Variants in PSMD1 observed in about 807,000 individuals in gnomAD.
PSMD1 encodes 26S proteasome non-ATPase regulatory subunit 1.
In PSMD1, 18 loss-of-function variants were observed where a neutral mutation model predicts 119.0. The ratio of observed to expected loss-of-function variants is 0.15; its 90% CI spans 0.10 to 0.22. The LOEUF (loss-of-function observed/expected upper bound fraction) is 0.22. Ranked by LOEUF, PSMD1 falls within the 10% of genes least tolerant of loss-of-function variation. The pLI, the probability that PSMD1 is intolerant of heterozygous loss-of-function variation, is 1.00. For missense variants in PSMD1, 702 were observed against 1,158.5 expected (o/e 0.61, Z 5.72); for synonymous variants, 374 against 396.6 (o/e 0.94, Z 0.68).
intron 15 of PSMD1, among the ~76,000 whole-genome samples, 156 bp downstream of exon 15, chr2:231,085,270 G>A (rs1260601803): frequency 6.6e-6 from 1 of 152,182 alleles, no homozygotes; most frequent in Non-Finnish European, 1.5e-5. Context: ...CCATAACCTA[G>A]CACTAGATTC....
intron 16 of PSMD1, among the ~76,000 whole-genome samples, chr2:231,116,567 A>G (rs540077927): frequency 1.3e-5 from 2 of 152,028 alleles, no homozygotes; most frequent in Non-Finnish European, 2.9e-5. Context: ...AGCCATAAGA[A>G]AATTCATATA....
chr2:231,058,899 C>T (rs1559214273), intron 1 of PSMD1, among the ~76,000 whole-genome samples: 1 of 152,188 alleles, frequency 6.6e-6, no homozygotes, highest in Non-Finnish European at 1.5e-5. Flanking sequence ...CACGCTTACT[C>T]TCCCTCCACC....
At chr2:231,097,618 G>A (rs555553631) in intron 16 of PSMD1, among the ~76,000 whole-genome samples, 4 of 152,198 alleles carry the variant, frequency 2.6e-5, no homozygotes, top group South Asian at 4.1e-4. Flanking sequence ...TGTAATAGAT[G>A]TAGTTTATAC....
Position 231,170,480 on chromosome 2 carries a change from A to C in PSMD1, c.2716-86A>C, listed in dbSNP as rs1574783519. 20 of 1,348,320 alleles carry C rather than the reference A, an allele frequency of 1.5e-5. No individual in the cohort carries two copies. In the East Asian group the frequency reaches 4.9e-4, roughly 33 times the overall value. The allele number at this position is 1,348,320 out of a possible 1,614,324, so 83.5% of individuals were successfully genotyped here. ...CTTCCAAATCATTTAAGTAGTTTTAAAGTACCATTTAACAAGTATTTACTC... is the reference window on the plus strand; with the variant it reads ...CTTCCAAATCATTTAAGTAGTTTTACAGTACCATTTAACAAGTATTTACTC... On this transcript the variant is annotated intron_variant, in intron 23 of 24. Transcript: ENST00000308696. This position sits in a 1 kb window ranked among gnomAD's most constrained non-coding sequence, Gnocchi z 4.1.
At chr2:231,113,984 G>C in intron 16 of PSMD1, 1 of 1,432,452 alleles carries the variant, frequency 7.0e-7, no homozygotes, top group Non-Finnish European at 9.8e-7. Flanking sequence ...GCAACTTTCA[G>C]TCTACAGTTT....
chr2:231,131,484 C>T (rs1171809539), intron 16 of PSMD1, among the ~76,000 whole-genome samples: 1 of 46,188 alleles, frequency 2.2e-5, no homozygotes, highest in Non-Finnish European at 3.2e-5. Flanking sequence ...TTGCCCTTGC[C>T]GGGCGCGGTG....
chr2:231,086,061 G>T (rs1694424656), intron 15 of PSMD1, among the ~76,000 whole-genome samples: 1 of 150,794 alleles, frequency 6.6e-6, no homozygotes, highest in African/African-American at 2.4e-5. Context: ...GCGACTTTGA[G>T]ACAGGGTTTC....
chr2:231,084,961 C>T, intron 14 of PSMD1, 58 bp from the exon 15 acceptor site: 1 of 1,389,756 alleles, frequency 7.2e-7, no homozygotes. Flanking sequence ...GCCTATTAGA[C>T]TGTAGAAGTT....
At chr2:231,081,607 T>C (rs1694311653) in intron 12 of PSMD1, among the ~76,000 whole-genome samples, 1 of 152,200 alleles carries the variant, frequency 6.6e-6, no homozygotes, top group African/African-American at 2.4e-5. Context: ...CTGGCTTGGG[T>C]CACACTTTGG....
At chr2:231,092,884 A>G (rs1574722741) in intron 16 of PSMD1, among the ~76,000 whole-genome samples, 2 of 152,224 alleles carry the variant, frequency 1.3e-5, no homozygotes, top group Non-Finnish European at 2.9e-5. Context: ...TTGCCATGAT[A>G]TAGCCATACT....
chr2:231,123,870 CA>C (rs1559241132), intron 16 of PSMD1: 1 of 901,718 alleles, frequency 1.1e-6, no homozygotes, highest in South Asian at 1.3e-5. Flanking sequence ...GCCAAACACT[CA>C]AAAGCCAAAG....
intron 18 of PSMD1, among the ~76,000 whole-genome samples, chr2:231,148,701 G>A (rs1487653081): frequency 1.3e-5 from 2 of 152,158 alleles, no homozygotes; most frequent in Non-Finnish European, 2.9e-5. Flanking sequence ...TTAGAGCAAA[G>A]TTGTTACTCA....
In PSMD1 at chr2:231,108,945, A is replaced by T. The variant is rs1182132755; in HGVS notation, c.1883+21764A>T. Reference sequence around the variant, plus strand: ...ACTAAAGTTATATTTGTAATAAAGAAGGGACACCACATAAGCAAAAAGAGG... The same window carrying T: ...ACTAAAGTTATATTTGTAATAAAGATGGGACACCACATAAGCAAAAAGAGG... On this transcript the variant is annotated intron_variant, in intron 16 of 24. Transcript: ENST00000308696. The T allele has an allele frequency of 2.5e-6, 4 of 1,614,014 alleles. No individual in the cohort carries two copies. The highest frequency in any genetic ancestry group is 3.3e-5 in the Admixed American group (2 of 60,008).
intron 5 of PSMD1, among the ~76,000 whole-genome samples, chr2:231,068,188 A>G (rs1285809509): frequency 6.6e-6 from 1 of 152,132 alleles, no homozygotes; most frequent in African/African-American, 2.4e-5. Flanking sequence ...ACTAGATCAT[A>G]AGCTATATCG....
rs749688988 is a variant in PSMD1, at chr2:231,075,544, T to C, written c.915T>C (p.Ser305=). The C allele has an allele frequency of 1.6e-5, 25 of 1,612,484 alleles. No individual in the cohort carries two copies. The highest frequency in any genetic ancestry group is 1.7e-4 in the Middle Eastern group (1 of 6,046). The change falls in exon 8 of 25, where the codon AGT becomes AGC. Residue 305 remains serine, a synonymous_variant. Transcript: ENST00000308696. The stretch of plus-strand genomic sequence containing the variant: ...TGGAAACAGAAGAAAAGACAAGCAG[T>C]GCATTTGTAGGAAAGACACCAGAAG... ...DSMETEEKTS[S]AFVGKTPEAS...
At chr2:231,119,384 G>A (rs1695452999) in intron 16 of PSMD1, among the ~76,000 whole-genome samples, 1 of 152,126 alleles carries the variant, frequency 6.6e-6, no homozygotes. Context: ...TGCTTGACAA[G>A]GTGATTGAGC....
At chr2:231,074,976 G>A (rs1020451894) in intron 7 of PSMD1, among the ~76,000 whole-genome samples, 4 of 152,078 alleles carry the variant, frequency 2.6e-5, no homozygotes, top group Non-Finnish European at 4.4e-5. Context: ...CTACAGGCAC[G>A]CACCACTATA....
At chr2:231,080,712 A>G (rs1165943879) in intron 12 of PSMD1, among the ~76,000 whole-genome samples, 1 of 152,218 alleles carries the variant, frequency 6.6e-6, no homozygotes, top group Non-Finnish European at 1.5e-5. Flanking sequence ...TCTTTTGGAA[A>G]AGCTTACTAA....
At position 231,163,744 on chromosome 2, in the gene PSMD1, T is replaced by C; in HGVS notation, c.2481+17T>C. On this transcript the variant is annotated intron_variant, in intron 21 of 24. Coordinates refer to ENST00000308696, the MANE Select transcript of PSMD1 (RefSeq NM_002807.4). ...AAGGAAAAGGTAGGTTCTTTGTTCC[T>C]TTTAGCAGCATTTGTACTTAAATAT... 1 of 1,550,860 alleles carries C rather than the reference T, an allele frequency of 6.4e-7. No individual in the cohort carries two copies. The highest frequency in any genetic ancestry group is 8.9e-7 in the Non-Finnish European group (1 of 1,126,288).
Sources: allele counts gnomAD v4.1 joint callset (sites outside exome capture counted in the v4.1 genomes callset), GRCh38; gene constraint gnomAD v4.1.1; non-coding constraint Gnocchi (gnomAD v3.1); transcripts MANE v1.5; gene names NCBI Gene and HGNC (gene_info 2026-07-23, HGNC 2026-07-21).